The following FBXO11 variants were observed in gnomAD, a reference collection of about 807,000 sequenced individuals.
FBXO11 encodes the protein F-box only protein 11.
A neutral mutation model predicts 117.0 loss-of-function variants in FBXO11; 13 were observed. The ratio of observed to expected loss-of-function variants is 0.11; its 90% CI spans 0.07 to 0.18. FBXO11 has a LOEUF of 0.18. Ranked by LOEUF, FBXO11 falls within the 10% of genes least tolerant of loss-of-function variation. The pLI, the probability that FBXO11 is intolerant of heterozygous loss-of-function variation, is 1.00. For synonymous variants in FBXO11, 490 were observed against 380.5 expected (o/e 1.29, Z -3.35); for missense variants, 767 against 1,164.4 (o/e 0.66, Z 4.97).
intron 1 of FBXO11, among the ~76,000 whole-genome samples, chr2:47,904,653 G>A (rs551585493): frequency 6.6e-6 from 1 of 151,684 alleles, no homozygotes; most frequent in South Asian, 2.1e-4. Flanking sequence ...TCTAAGCAAG[G>A]GGCGTTCAAA....
At chr2:47,880,395 T>G (rs1424274797) in intron 1 of FBXO11, among the ~76,000 whole-genome samples, 1 of 152,258 alleles carries the variant, frequency 6.6e-6, no homozygotes, top group Admixed American at 6.5e-5. Flanking sequence ...GGCTTTATTT[T>G]ATTCATTGAT....
chr2:47,843,270 G>C (rs920244645), intron 1 of FBXO11, among the ~76,000 whole-genome samples: 1 of 152,160 alleles, frequency 6.6e-6, no homozygotes, highest in African/African-American at 2.4e-5. Context: ...CTAATTTTTA[G>C]AGTAGGGTTT....
rs2104144570 is a variant in FBXO11 at position 47,905,885 on chromosome 2, G to A, written c.-165C>T. 4.0e-6 allele frequency: 3 copies of A among 747,024 alleles called. No individual in the cohort carries two copies. The highest frequency in any genetic ancestry group is 3.6e-5 in the East Asian group (1 of 27,800). 46.3% of individuals were successfully genotyped at this position (747,024 alleles called of 1,614,324 possible). A position where few individuals can be genotyped will look rare whatever the true frequency, so the allele number is the denominator to read the frequency against. ...GGGCGGAGGGGGCGAGCGGGACCCC[G>A]AGTCCGGAGAAAGGCCCGGGTAGAC... is the stretch of plus-strand genomic sequence containing the variant. On this transcript the variant is annotated 5_prime_UTR_variant, in exon 1 of 23. Coordinates refer to ENST00000403359, the MANE Select transcript of FBXO11 (RefSeq NM_001190274.2).
At position 47,813,202 on chromosome 2, in the gene FBXO11, A is replaced by T. The variant is rs1308932415; in HGVS notation, c.2227+32T>A. 2.5e-6 allele frequency: 4 copies of T among 1,606,528 alleles called. No individual in the cohort carries two copies. In the South Asian group the frequency reaches 4.4e-5, roughly 18 times the overall value. ...ATATGGAAGAATAATGGAAAACTGG[A>T]TTTTTCACTAATGCAAAATTAACAA... On this transcript the variant is annotated intron_variant, in intron 18 of 22. Transcript: ENST00000403359.
chr2:47,808,502 A>T, intron 21 of FBXO11, 75 bp from the exon 22 acceptor site: 5 of 1,312,532 alleles, frequency 3.8e-6, no homozygotes, highest in Non-Finnish European at 4.1e-6. Context: ...TTTATATATT[A>T]CTATGACCTT....
At chr2:47,900,878 A>ATATATATACACG (rs1421947260) in intron 1 of FBXO11, among the ~76,000 whole-genome samples, 1 of 142,242 alleles carries the variant, frequency 7.0e-6, no homozygotes, top group Non-Finnish European at 1.5e-5. Flanking sequence ...ACACACGTGT[A>ATATATATACACG]TATATATACA....
chr2:47,873,413 T>C (rs1284250588), intron 1 of FBXO11, among the ~76,000 whole-genome samples: 2 of 152,174 alleles, frequency 1.3e-5, no homozygotes, highest in African/African-American at 4.8e-5. Context: ...CCAGTGCTCC[T>C]GGGTTTTATC....
Position 47,905,940 on chromosome 2 carries a change from G to A in FBXO11, c.-220C>T, listed in dbSNP as rs928686590. 15 of 486,640 alleles carry A rather than the reference G, an allele frequency of 3.1e-5. No homozygotes were observed. The highest frequency in any genetic ancestry group is 1.1e-3 in the Middle Eastern group (2 of 1,754). 30.1% of individuals were successfully genotyped at this position (486,640 alleles called of 1,614,324 possible). On this transcript the variant is annotated 5_prime_UTR_variant, in exon 1 of 23. Transcript: ENST00000403359. Reference sequence around the variant, plus strand: ...GGAGACCGAGCGAGGCCGGCCGGGAGGGCCTGACGCACGGGGAAGGCCGAA... The same window carrying A: ...GGAGACCGAGCGAGGCCGGCCGGGAAGGCCTGACGCACGGGGAAGGCCGAA...
chr2:47,854,851 GTTTT>G (rs770264788), intron 1 of FBXO11, among the ~76,000 whole-genome samples: 2 of 75,180 alleles, frequency 2.7e-5, no homozygotes, highest in South Asian at 7.8e-4. Flanking sequence ...TCTTTATTCT[GTTTT>G]TTTTTTTGTT....
At chr2:47,878,902 T>G (rs1301323726) in intron 1 of FBXO11, among the ~76,000 whole-genome samples, 1 of 151,914 alleles carries the variant, frequency 6.6e-6, no homozygotes, top group Non-Finnish European at 1.5e-5. Flanking sequence ...TCACTTGAAT[T>G]GGGGAGGCAG....
At chr2:47,890,468 G>A (rs1448670181) in intron 1 of FBXO11, among the ~76,000 whole-genome samples, 1 of 152,134 alleles carries the variant, frequency 6.6e-6, no homozygotes, top group East Asian at 1.9e-4. Flanking sequence ...CATGGGGACT[G>A]TATCATCAAT....
chr2:47,876,334 T>C (rs1373327437), intron 1 of FBXO11, among the ~76,000 whole-genome samples: 3 of 152,230 alleles, frequency 2.0e-5, no homozygotes, highest in African/African-American at 7.2e-5. Context: ...ATTTATCAAA[T>C]ATTTTGCCAA....
chr2:47,821,614 G>C (rs796502426), intron 13 of FBXO11, among the ~76,000 whole-genome samples: 1 of 109,020 alleles, frequency 9.2e-6, no homozygotes, highest in Non-Finnish European at 2.0e-5. Context: ...CGTCTCAAAA[G>C]AAAAAAAAAA....
intron 11 of FBXO11, among the ~76,000 whole-genome samples, chr2:47,825,067 A>G (rs1671649098): frequency 6.6e-6 from 1 of 152,116 alleles, no homozygotes. Context: ...TACACACAGT[A>G]AGTACTCAAA....
At chr2:47,904,622 A>ACACACACACACAC in intron 1 of FBXO11, among the ~76,000 whole-genome samples, 1 of 138,834 alleles carries the variant, frequency 7.2e-6, no homozygotes, top group South Asian at 2.4e-4. Context: ...ACACACACAC[A>ACACACACACACAC]AAATATCCCA....
chr2:47,809,904 A>G lies in FBXO11; in HGVS notation c.2339-197T>C, dbSNP rs979748870. The G allele has an allele frequency of 1.3e-5, 7 of 542,620 alleles. No homozygotes were observed. The South Asian group carries it at 1.3e-4, about 10-fold the overall frequency. 33.6% of individuals were successfully genotyped at this position (542,620 alleles called of 1,614,324 possible). ...ATCAATGACTATGGTCAAAACTGCA[A>G]TTAACTTTCGCACCAACCTAACTGT... On this transcript the variant is annotated intron_variant, in intron 19 of 22. Coordinates refer to ENST00000403359, the MANE Select transcript of FBXO11 (RefSeq NM_001190274.2).
chr2:47,904,271 TCTC>T (rs1169705742), intron 1 of FBXO11, among the ~76,000 whole-genome samples: 18 of 152,266 alleles, frequency 1.2e-4, no homozygotes, highest in African/African-American at 4.1e-4. Flanking sequence ...TCCTAACAAT[TCTC>T]CTCCTCCTTA....
At chr2:47,850,593 C>T (rs1271546044) in intron 1 of FBXO11, among the ~76,000 whole-genome samples, 1 of 152,042 alleles carries the variant, frequency 6.6e-6, no homozygotes, top group South Asian at 2.1e-4. Context: ...TAACAATACT[C>T]TATATAGAAA....
intron 1 of FBXO11, among the ~76,000 whole-genome samples, chr2:47,854,286 T>C (rs1372764538): frequency 6.6e-6 from 1 of 151,732 alleles, no homozygotes; most frequent in African/African-American, 2.4e-5. Context: ...TACCTATCTC[T>C]ACCTTTATTC....
Sources: allele counts gnomAD v4.1 joint callset (sites outside exome capture counted in the v4.1 genomes callset), GRCh38; gene constraint gnomAD v4.1.1; transcripts MANE v1.5; gene names NCBI Gene and HGNC (gene_info 2026-07-23, HGNC 2026-07-21).